Variants in AGBL2 observed in about 807,000 individuals in gnomAD.
AGBL2 encodes cytosolic carboxypeptidase 2.
Under a neutral mutation model 103.0 loss-of-function variants are expected in AGBL2, and 87 were observed. The observed-to-expected ratio is 0.84, with a 90% CI of 0.71 to 1.01. AGBL2 has a LOEUF of 1.01. Among genes scored for constraint, AGBL2 ranks in the 50% least tolerant of loss-of-function variants. AGBL2 has a pLI of 0.00. For missense variants in AGBL2, 904 were observed against 1,023.5 expected (o/e 0.88, Z 1.59); for synonymous variants, 335 against 356.7 (o/e 0.94, Z 0.69).
At chr11:47,690,014 A>G in intron 10 of AGBL2, 62 bp downstream of exon 10, 4 of 1,413,376 alleles carry the variant, frequency 2.8e-6, no homozygotes, top group Non-Finnish European at 3.9e-6. Context: ...CCCATCAGGT[A>G]GGGATATCTG....
Position 47,686,166 on chromosome 11 carries a change from C to A in AGBL2, c.1632-117G>T, listed in dbSNP as rs2097422805. 2.8e-6 allele frequency: 3 copies of A among 1,085,720 alleles called. No individual in the cohort carries two copies. The Admixed American group carries it at 8.1e-5, about 29-fold the overall frequency. 67.3% of individuals were successfully genotyped at this position (1,085,720 alleles called of 1,614,324 possible). A position where few individuals can be genotyped will look rare whatever the true frequency, so the allele number is the denominator to read the frequency against. On this transcript the variant is annotated intron_variant, in intron 10 of 18. Coordinates refer to ENST00000525123, the MANE Select transcript of AGBL2 (RefSeq NM_024783.4). The stretch of plus-strand genomic sequence containing the variant: ...TTAATACTTTCCCTCCTAAGAAAAT[C>A]TCAACTCCATTGGCCTTCAATGGAC...
chr11:47,689,935 A>G, intron 10 of AGBL2, 141 bp downstream of exon 10: 1 of 677,894 alleles, frequency 1.5e-6, no homozygotes, highest in Non-Finnish European at 2.3e-6. Context: ...CTTGACTACA[A>G]AGAGACTGGT....
intron 13 of AGBL2, 105 bp downstream of exon 13, chr11:47,679,868 C>T: frequency 1.5e-6 from 1 of 687,824 alleles, no homozygotes; most frequent in East Asian, 2.9e-5. Context: ...TCTTGAACTC[C>T]TGAGCTCAGG....
chr11:47,679,077 A>G (rs1170373945), intron 13 of AGBL2, among the ~76,000 whole-genome samples: 1 of 148,794 alleles, frequency 6.7e-6, no homozygotes, highest in East Asian at 2.0e-4. Flanking sequence ...AAAAAAAAAA[A>G]AAAAAAAAAA....
intron 5 of AGBL2, 104 bp from the exon 6 acceptor site, chr11:47,705,738 C>A: frequency 2.5e-6 from 2 of 796,710 alleles, no homozygotes; most frequent in South Asian, 3.0e-5. Context: ...GAGGGTCCTT[C>A]AGTGCTCATC....
chr11:47,687,139 AAAT>A (rs2097427195), intron 10 of AGBL2, among the ~76,000 whole-genome samples: 1 of 127,922 alleles, frequency 7.8e-6, no homozygotes. Context: ...AATAATAAAA[AAAT>A]AAATAAATAA....
At chr11:47,706,944 T>C (rs2097522713) in intron 4 of AGBL2, among the ~76,000 whole-genome samples, 1 of 146,158 alleles carries the variant, frequency 6.8e-6, no homozygotes, top group Non-Finnish European at 1.5e-5. Context: ...CCCAGCACTT[T>C]GGGAGGCCAA....
At chr11:47,707,707 T>C (rs924508764) in intron 4 of AGBL2, among the ~76,000 whole-genome samples, 7 of 152,294 alleles carry the variant, frequency 4.6e-5, no homozygotes, top group African/African-American at 1.4e-4. Flanking sequence ...AACAGCAGTA[T>C]AGGAAAGTGT....
intron 8 of AGBL2, among the ~76,000 whole-genome samples, chr11:47,695,499 T>C: frequency 2.2e-5 from 2 of 93,008 alleles, no homozygotes; most frequent in Non-Finnish European, 2.1e-5. Context: ...AAAAAAACAG[T>C]TGAGGGGAAT....
chr11:47,706,205 T>G (rs747570846), intron 4 of AGBL2, among the ~76,000 whole-genome samples: 5 of 152,110 alleles, frequency 3.3e-5, no homozygotes, highest in Admixed American at 6.6e-5. Flanking sequence ...GCGGATTACC[T>G]GAGGTTGGGA....
At chr11:47,709,331 G>A (rs2153805533) in intron 4 of AGBL2, among the ~76,000 whole-genome samples, 1 of 151,310 alleles carries the variant, frequency 6.6e-6, no homozygotes, top group East Asian at 2.0e-4. Context: ...GGAGGTGGTA[G>A]GACTCTGAGG....
At chr11:47,692,964 G>A (rs2097453937) in intron 8 of AGBL2, among the ~76,000 whole-genome samples, 1 of 151,912 alleles carries the variant, frequency 6.6e-6, no homozygotes, top group African/African-American at 2.4e-5. Flanking sequence ...GACCACAGGA[G>A]TGCACCACCA....
chr11:47,661,537 T>C lies in AGBL2; in HGVS notation c.2536-1191A>G, dbSNP rs555985876. 3.3e-5 allele frequency among the ~76,000 whole-genome samples: 5 copies of C among 152,276 alleles called. No homozygotes were observed. In the East Asian group the frequency reaches 7.7e-4, roughly 24 times the overall value. ...GCACATAGTAGACACTAGAAGACAC[T>C]GATAGGTAAATGAGAGCATCAGTGC... On this transcript the variant is annotated intron_variant, in intron 18 of 18. Transcript: ENST00000525123.
intron 8 of AGBL2, among the ~76,000 whole-genome samples, chr11:47,697,835 C>T (rs1474579080): frequency 6.6e-6 from 1 of 151,404 alleles, no homozygotes; most frequent in Non-Finnish European, 1.5e-5. Flanking sequence ...CGTGAGTCAT[C>T]GCGCCCGGCC....
chr11:47,690,676 A>T lies in AGBL2; in HGVS notation c.1031T>A (p.Leu344Ter). ...GCCAATATTGCGGGTGTTGGCATCC[A>T]ATTGGGAGTACAAGAGTGGCTTCAT... ...VGMKPLLYSQ[L>*]DANTRNIGWR... Residue 344 changes from leucine (L) to a stop codon, truncating the protein, a stop_gained, in exon 10 of 19, where the codon TTG (leucine) becomes TAG (stop). Transcript: ENST00000525123. LOFTEE classifies it high-confidence loss of function. 6.2e-7 allele frequency: 1 copy of T among 1,614,100 alleles called. No individual in the cohort carries two copies. The highest frequency in any genetic ancestry group is 8.5e-7 in the Non-Finnish European group (1 of 1,180,012).
intron 4 of AGBL2, among the ~76,000 whole-genome samples, chr11:47,708,668 G>T (rs1004162848): frequency 2.6e-5 from 4 of 151,720 alleles, no homozygotes; most frequent in African/African-American, 9.7e-5. Flanking sequence ...ACAAAAATTA[G>T]CTGGGCATGG....
chr11:47,702,081 T>G (rs2097501508), intron 7 of AGBL2, among the ~76,000 whole-genome samples: 1 of 151,604 alleles, frequency 6.6e-6, no homozygotes, highest in Non-Finnish European at 1.5e-5. Flanking sequence ...TGCCCAGGAG[T>G]TCAAGGCTGC....
In AGBL2 at chr11:47,690,599, C is replaced by T. The variant is rs773809482; in HGVS notation, c.1108G>A (p.Gly370Arg). ...GTGAGACAGTAGAAGGGCTGCTGCC[C>T]ATCATCCGTGTTGTTCTTGTAGTAC... ...IKYYKNNTDDGQQPFYCLTWT... is the reference protein window; with the variant it reads ...IKYYKNNTDDRQQPFYCLTWT... The change falls in exon 10 of 19, where the codon GGG becomes AGG. Residue 370 changes from glycine to arginine, a missense_variant. Transcript: ENST00000525123. 1.3e-5 allele frequency: 21 copies of T among 1,614,036 alleles called. No individual in the cohort carries two copies. In the East Asian group the frequency reaches 4.5e-4, roughly 34 times the overall value.
rs2097441711 is a variant in AGBL2, at chr11:47,690,673, T to C, written c.1034A>G (p.Asp345Gly). 6.2e-7 allele frequency: 1 copy of C among 1,614,204 alleles called. No homozygotes were observed. The highest frequency in any genetic ancestry group is 8.5e-7 in the Non-Finnish European group (1 of 1,180,038). ...CCAGCCAATATTGCGGGTGTTGGCA[T>C]CCAATTGGGAGTACAAGAGTGGCTT... is the stretch of plus-strand genomic sequence containing the variant. ...GMKPLLYSQL[D>G]ANTRNIGWRR... The change falls in exon 10 of 19, where the codon GAT becomes GGT. Residue 345 changes from aspartate (D) to glycine (G), a missense_variant. Coordinates refer to ENST00000525123, the MANE Select transcript of AGBL2 (RefSeq NM_024783.4).
Sources: allele counts gnomAD v4.1 joint callset (sites outside exome capture counted in the v4.1 genomes callset), GRCh38; gene constraint gnomAD v4.1.1; transcripts MANE v1.5; gene names NCBI Gene and HGNC (gene_info 2026-07-23, HGNC 2026-07-21).